The following METTL15 variants were observed in gnomAD, a reference collection of about 807,000 sequenced individuals.
METTL15 encodes the protein methyltransferase 15, mitochondrial 12S rRNA N4-cytidine.
METTL15 carries 34 observed loss-of-function variants against 38.3 expected under a neutral mutation model. The observed-to-expected ratio is 0.89, with a 90% CI of 0.68 to 1.18. The LOEUF (loss-of-function observed/expected upper bound fraction) is 1.18, where lower values mean the gene tolerates loss of function less well. Ranked by LOEUF, METTL15 falls within the 50% of genes most tolerant of loss-of-function variation. The pLI, the probability that METTL15 is intolerant of heterozygous loss-of-function variation, is 0.00. For synonymous variants in METTL15, 162 were observed against 170.9 expected (o/e 0.95, Z 0.41); for missense variants, 438 against 498.4 (o/e 0.88, Z 1.15).
intron 6 of METTL15, among the ~76,000 whole-genome samples, chr11:28,501,505 G>A (rs1590395916): frequency 6.6e-6 from 1 of 152,188 alleles, no homozygotes; most frequent in African/African-American, 2.4e-5. Flanking sequence ...TGCCAGAAAA[G>A]ATTCCTGGCA....
chr11:28,201,094 G>A (rs528209894), intron 3 of METTL15, among the ~76,000 whole-genome samples: 2 of 152,218 alleles, frequency 1.3e-5, no homozygotes, highest in South Asian at 4.2e-4. Flanking sequence ...CATCAATACA[G>A]TTTATTGAGA....
chr11:28,433,183 G>T (rs1352310408), intron 6 of METTL15, among the ~76,000 whole-genome samples: 2 of 142,684 alleles, frequency 1.4e-5, no homozygotes, highest in Non-Finnish European at 1.5e-5. Flanking sequence ...TTTTTTTTTG[G>T]CTCTGTCATT....
chr11:28,126,405 G>A (rs1852488644), intron 3 of METTL15, among the ~76,000 whole-genome samples: 1 of 152,120 alleles, frequency 6.6e-6, no homozygotes, highest in South Asian at 2.1e-4. Flanking sequence ...ACACTAGCTT[G>A]AAAGGTGGGA....
At chr11:28,179,179 G>A (rs149923464) in intron 3 of METTL15, among the ~76,000 whole-genome samples, 241 of 151,844 alleles carry the variant, frequency 1.6e-3, no homozygotes, top group Admixed American at 4.2e-3. Context: ...GTTCAGTTGC[G>A]TTTAATATCG....
At chr11:28,526,490 A>T (rs1214548022) in exon 7 of METTL15, 1 of 152,246 alleles carries the variant, frequency 6.6e-6, no homozygotes, top group Non-Finnish European at 1.5e-5. Flanking sequence ...TGAATATGTC[A>T]TCCCACTGCC....
chr11:28,262,363 G>T (rs1182772637), intron 4 of METTL15, among the ~76,000 whole-genome samples: 5 of 150,474 alleles, frequency 3.3e-5, no homozygotes, highest in African/African-American at 9.8e-5. Context: ...TAACTACAGA[G>T]ATATATATGT....
At chr11:28,492,475 G>T (rs1042237756) in intron 6 of METTL15, among the ~76,000 whole-genome samples, 1 of 151,944 alleles carries the variant, frequency 6.6e-6, no homozygotes, top group South Asian at 2.1e-4. Context: ...TTCTTGCTGT[G>T]TGGAAATGTC....
chr11:28,228,203 G>A (rs1321833089), intron 4 of METTL15, among the ~76,000 whole-genome samples: 1 of 151,734 alleles, frequency 6.6e-6, no homozygotes, highest in Admixed American at 6.6e-5. Flanking sequence ...AATCAGTAAG[G>A]CTTTTTCATG....
intron 5 of METTL15, among the ~76,000 whole-genome samples, chr11:28,417,167 G>T (rs1010432236): frequency 3.9e-5 from 6 of 152,154 alleles, no homozygotes; most frequent in African/African-American, 1.2e-4. Flanking sequence ...GAGAACAGGG[G>T]TGTTGTACAT....
At chr11:28,474,376 T>C (rs1851327793) in intron 6 of METTL15, among the ~76,000 whole-genome samples, 1 of 152,110 alleles carries the variant, frequency 6.6e-6, no homozygotes, top group African/African-American at 2.4e-5. Flanking sequence ...CTCTGTAAAA[T>C]AGGTCACTAA....
intron 3 of METTL15, among the ~76,000 whole-genome samples, chr11:28,197,732 A>T (rs1486444171): frequency 6.6e-6 from 1 of 152,040 alleles, no homozygotes; most frequent in Non-Finnish European, 1.5e-5. Flanking sequence ...GCACATGCAC[A>T]CATAGACACT....
At chr11:28,293,508 CTTGTGGCTTAG>C (rs1310013295) in intron 5 of METTL15, among the ~76,000 whole-genome samples, 22 of 152,300 alleles carry the variant, frequency 1.4e-4, no homozygotes, top group East Asian at 3.9e-4. Context: ...CAGCTTTGTT[CTTGTGGCTTAG>C]GATTGACTTG....
intron 5 of METTL15, among the ~76,000 whole-genome samples, chr11:28,380,795 A>G (rs1382835488): frequency 1.3e-5 from 2 of 152,038 alleles, no homozygotes; most frequent in Non-Finnish European, 2.9e-5. Context: ...TCTCCTTCAC[A>G]TTTGAAAGAT....
chr11:28,351,019 T>C (rs1471442943), intron 3 of METTL15, among the ~76,000 whole-genome samples: 1 of 152,184 alleles, frequency 6.6e-6, no homozygotes, highest in African/African-American at 2.4e-5. Context: ...GCTCCATTAA[T>C]TTCTCCCTAG....
intron 6 of METTL15, among the ~76,000 whole-genome samples, chr11:28,468,443 C>T (rs1851275815): frequency 6.6e-6 from 1 of 152,158 alleles, no homozygotes; most frequent in South Asian, 2.1e-4. Context: ...CAAAGCATGT[C>T]AGGCTACCTA....
rs1851085925 is a variant in METTL15, at chr11:28,447,618, T to A, written c.*424+23254T>A. On this transcript the variant is annotated intron_variant and NMD_transcript_variant, in intron 6 of 7. Transcript: ENST00000532947. ...GTGATCTACCTTGATTTTGAGATTT[T>A]AGTTCTTCTCTTGTTTTACATTGTG... Among the ~76,000 whole-genome samples the A allele has an allele frequency of 1.3e-5, 2 of 152,320 alleles. 1 individual carries two copies. The highest frequency in any genetic ancestry group is 3.9e-4 in the East Asian group (2 of 5,178).
At chr11:28,318,897 T>C (rs903937778) in intron 6 of METTL15, among the ~76,000 whole-genome samples, 5 of 152,314 alleles carry the variant, frequency 3.3e-5, no homozygotes, top group Non-Finnish European at 7.4e-5. Context: ...TGATTCTTTT[T>C]TAAACCCACT....
At chr11:28,200,023 G>A (rs545895472) in intron 3 of METTL15, among the ~76,000 whole-genome samples, 22 of 152,162 alleles carry the variant, frequency 1.4e-4, no homozygotes, top group Non-Finnish European at 3.1e-4. Context: ...TTTTTAAAGG[G>A]TTTATCATAG....
exon 5 of METTL15, chr11:28,362,006 C>A (rs1478905047): frequency 6.6e-6 from 1 of 152,180 alleles, no homozygotes; most frequent in African/African-American, 2.4e-5. Context: ...AAGACCCAAA[C>A]AACGTGGATG....
Sources: allele counts gnomAD v4.1 joint callset (sites outside exome capture counted in the v4.1 genomes callset), GRCh38; gene constraint gnomAD v4.1.1; transcripts MANE v1.5; gene names NCBI Gene and HGNC (gene_info 2026-07-23, HGNC 2026-07-21).